PTPRH: variants seen among roughly 807,000 people sequenced by gnomAD.
PTPRH encodes the protein receptor-type tyrosine-protein phosphatase H.
Under a neutral mutation model 130.2 loss-of-function variants are expected in PTPRH, and 113 were observed. The observed-to-expected ratio is 0.87, with a 90% CI of 0.75 to 1.01. The LOEUF (loss-of-function observed/expected upper bound fraction) is 1.01. Among genes scored for constraint, PTPRH ranks in the 50% least tolerant of loss-of-function variants. The pLI, the probability that PTPRH is intolerant of heterozygous loss-of-function variation, is 0.00. For missense variants in PTPRH, 1,430 were observed against 1,425.0 expected (o/e 1.00, Z -0.06); for synonymous variants, 556 against 577.9 (o/e 0.96, Z 0.54).
At chr19:55,193,888 G>T in intron 10 of PTPRH, 2 of 185,318 alleles carry the variant, frequency 1.1e-5, no homozygotes, top group Non-Finnish European at 2.3e-5. Context: ...TGCTCTTCTT[G>T]CCCAGGCCGG....
At chr19:55,197,941 A>G (rs746613847) in intron 8 of PTPRH, among the ~76,000 whole-genome samples, 9 of 152,212 alleles carry the variant, frequency 5.9e-5, no homozygotes, top group Non-Finnish European at 5.9e-5. Context: ...GGCCAGGCAT[A>G]GTGGCTCACT....
intron 4 of PTPRH, 116 bp from the exon 5 acceptor site, chr19:55,204,164 G>C: frequency 8.4e-7 from 1 of 1,195,880 alleles, no homozygotes; most frequent in Non-Finnish European, 1.1e-6. Flanking sequence ...CTGTCATCCA[G>C]GCTGGAGTGC....
rs986378330 is a variant in PTPRH, at chr19:55,204,182, C to T, written c.620-134G>A. 9.9e-5 allele frequency: 100 copies of T among 1,014,646 alleles called. 1 individual carries two copies. The East Asian group carries it at 1.8e-3, about 18-fold the overall frequency. The allele number at this position is 1,014,646 out of a possible 1,614,324, so 62.9% of individuals were successfully genotyped here. ...TCATCCAGGCTGGAGTGCAGTGGCA[C>T]GATCTCGGCTCACCACAGCCTCCGC... is the stretch of plus-strand genomic sequence containing the variant. On this transcript the variant is annotated intron_variant, in intron 4 of 19. Transcript: ENST00000376350.
intron 6 of PTPRH, among the ~76,000 whole-genome samples, chr19:55,201,793 CTTGGT>C (rs1184319982): frequency 6.6e-6 from 1 of 152,222 alleles, no homozygotes; most frequent in Non-Finnish European, 1.5e-5. Context: ...ACACATTCCT[CTTGGT>C]GCAGGAAGGT....
At chr19:55,182,238 T>C in intron 18 of PTPRH, 87 bp from the exon 19 acceptor site, 2 of 1,454,530 alleles carry the variant, frequency 1.4e-6, no homozygotes, top group Non-Finnish European at 1.9e-6. Flanking sequence ...TGTGTTTGAA[T>C]GATGACAATA....
intron 3 of PTPRH, among the ~76,000 whole-genome samples, chr19:55,206,364 C>T (rs1284408597): frequency 6.7e-6 from 1 of 149,066 alleles, no homozygotes; most frequent in Non-Finnish European, 1.5e-5. Context: ...CTCTCTGTTG[C>T]CCAGGCTGGA....
At chr19:55,185,462 G>C in intron 18 of PTPRH, 40 bp downstream of exon 18, 4 of 1,605,790 alleles carry the variant, frequency 2.5e-6, no homozygotes, top group Non-Finnish European at 3.4e-6. Context: ...CCCCAAGGGA[G>C]CGGTTCTCTC....
intron 14 of PTPRH, among the ~76,000 whole-genome samples, chr19:55,186,766 C>T (rs1054236982): frequency 1.3e-5 from 2 of 152,156 alleles, no homozygotes; most frequent in Non-Finnish European, 2.9e-5. Flanking sequence ...GACCCACAGC[C>T]GGGTGCAGTG....
At chr19:55,184,679 C>G (rs947782497) in intron 18 of PTPRH, among the ~76,000 whole-genome samples, 1 of 151,680 alleles carries the variant, frequency 6.6e-6, no homozygotes, top group Non-Finnish European at 1.5e-5. Flanking sequence ...CCCAGCTACT[C>G]GGGAGGCTGA....
chr19:55,188,253 C>T, intron 12 of PTPRH, 85 bp from the exon 13 acceptor site: 2 of 1,111,530 alleles, frequency 1.8e-6, no homozygotes, highest in Non-Finnish European at 2.7e-6. Context: ...TGGCTCACGC[C>T]TGTAATCCCA....
chr19:55,186,476 G>C lies in PTPRH; in HGVS notation c.2631C>G (p.Ala877=). The C allele has an allele frequency of 6.2e-7, 1 of 1,614,168 alleles. No individual in the cohort carries two copies. The highest frequency in any genetic ancestry group is 2.2e-5 in the East Asian group (1 of 44,878). Reference sequence around the variant, plus strand: ...ACCACGACCTTACGGGCATGAAGCTGGCATTGATGTAGTCAGAGCCTGGCT... The same window carrying C: ...ACCACGACCTTACGGGCATGAAGCTCGCATTGATGTAGTCAGAGCCTGGCT... ...HEEPGSDYIN[A]SFMPGLWSPQ... is the part of the protein sequence containing the mutation. The change falls in exon 15 of 20, where the codon GCC becomes GCG. Residue 877 remains alanine, a synonymous_variant. Coordinates refer to ENST00000376350, the MANE Select transcript of PTPRH (RefSeq NM_002842.5).
At chr19:55,201,943 G>A in intron 6 of PTPRH, 113 bp downstream of exon 6, 1 of 1,496,124 alleles carries the variant, frequency 6.7e-7, no homozygotes, top group Non-Finnish European at 9.1e-7. Flanking sequence ...GTGGACATGA[G>A]TACCTGGCTC....
rs761943268 is a variant in PTPRH, at chr19:55,196,791, G to C, written c.1991-3C>G. On this transcript the variant is annotated splice_polypyrimidine_tract_variant and splice_region_variant and intron_variant, in intron 9 of 19. Coordinates refer to ENST00000376350, the MANE Select transcript of PTPRH (RefSeq NM_002842.5). ...AGTGATGGTGACTGTGTCTGGGTCT[G>C]GGTGAAGGAAGCAAGAGGTCAGCAG... The C allele has an allele frequency of 6.2e-7, 1 of 1,610,128 alleles. No homozygotes were observed. The highest frequency in any genetic ancestry group is 1.1e-5 in the South Asian group (1 of 91,004).
chr19:55,185,623 A>G lies in PTPRH; in HGVS notation c.2941T>C (p.Tyr981His), dbSNP rs1188558265. The G allele has an allele frequency of 5.0e-6, 8 of 1,614,220 alleles. No homozygotes were observed. The East Asian group carries it at 1.8e-4, about 36-fold the overall frequency. Residue 981 changes from tyrosine (Y) to histidine (H), a missense_variant, in exon 18 of 20, where the codon TAC (tyrosine) becomes CAC (histidine). Tyr to His is a moderately conservative substitution (Grantham distance 83). Transcript: ENST00000376350. ...QKTLSVRQFHYQAWPDHGVPS... is the reference protein window; with the variant it reads ...QKTLSVRQFHHQAWPDHGVPS... ...ACGCCGTGATCCGGCCAGGCCTGGT[A>G]GTGGAATTGGCGCACAGACAGTGTC...
intron 14 of PTPRH, among the ~76,000 whole-genome samples, 162 bp downstream of exon 14, chr19:55,187,351 A>G (rs973992212): frequency 7.4e-6 from 1 of 135,438 alleles, no homozygotes; most frequent in African/African-American, 3.1e-5. Flanking sequence ...TCTCAAAAAA[A>G]AAAAAAAAAG....
rs1391136934 is a variant in PTPRH at position 55,203,889 on chromosome 19, G to T, written c.779C>A (p.Thr260Asn). Residue 260 changes from threonine to asparagine, a missense_variant, in exon 5 of 20, where the codon ACC becomes AAC. Thr to Asn is a moderately conservative substitution (Grantham distance 65). Transcript: ENST00000376350. ...TCCAAGGCCATCCACGGTGACTCTG[G>T]TGTCTGTTGTGTTTCGAGTCTCTGT... The part of the protein sequence containing the change: ...GRTETRNTTD[T>N]RVTVDGLGPG... The T allele has an allele frequency of 6.2e-7, 1 of 1,614,184 alleles. No individual in the cohort carries two copies. The highest frequency in any genetic ancestry group is 2.2e-5 in the East Asian group (1 of 44,880).
Position 55,187,611 on chromosome 19 carries a change from T to C in PTPRH, c.2476-8A>G. 28 of 1,604,774 alleles carry C rather than the reference T, an allele frequency of 1.7e-5. No homozygotes were observed. The highest frequency in any genetic ancestry group is 2.4e-5 in the Non-Finnish European group (28 of 1,171,946). On this transcript the variant is annotated splice_region_variant and splice_polypyrimidine_tract_variant and intron_variant, in intron 13 of 19. Coordinates refer to ENST00000376350, the MANE Select transcript of PTPRH (RefSeq NM_002842.5). ...GCCCACCAGGGAGAGTTGCTGGGGA[T>C]GCAGGGAGAGGGGGTACCTGGTGTT...
At chr19:55,202,687 T>C (rs550368314) in intron 5 of PTPRH, among the ~76,000 whole-genome samples, 40 of 152,272 alleles carry the variant, frequency 2.6e-4, no homozygotes, top group African/African-American at 9.4e-4. Context: ...TGTGGGTATA[T>C]ACTCAGTGTG....
chr19:55,195,009 A>T (rs1568906901), intron 10 of PTPRH, among the ~76,000 whole-genome samples: 1 of 152,118 alleles, frequency 6.6e-6, no homozygotes, highest in African/African-American at 2.4e-5. Flanking sequence ...CCAACATGGC[A>T]AAACCCCATC....
Sources: gnomAD v4.1 joint callset for allele counts (sites outside exome capture counted in the v4.1 genomes callset) on GRCh38, gnomAD v4.1.1 for gene constraint, MANE v1.5 for transcripts, NCBI Gene and HGNC (gene_info 2026-07-23, HGNC 2026-07-21) for gene names.